Variants in ANKRD36B observed in about 807,000 individuals in gnomAD.
ANKRD36B encodes the protein ankyrin repeat domain-containing protein 36B.
Under a neutral mutation model 135.7 loss-of-function variants are expected in ANKRD36B, and 37 were observed. The ratio of observed to expected loss-of-function variants is 0.27; its 90% CI spans 0.21 to 0.36. ANKRD36B has a LOEUF of 0.36. ANKRD36B is among the 10% of genes least tolerant of loss of function. The probability of loss-of-function intolerance (pLI) is 1.00; values close to 1 mark genes in which losing one functional copy is unlikely to be tolerated. For synonymous variants in ANKRD36B, 179 were observed against 348.1 expected, an observed-to-expected ratio of 0.51 and a Z score of 5.41; for missense variants, 549 against 1,037.1, an observed-to-expected ratio of 0.53 and a Z score of 6.46.
intron 22 of ANKRD36B, among the ~76,000 whole-genome samples, chr2:97,546,226 CAT>C (rs528927890): frequency 6.6e-6 from 1 of 151,846 alleles, no homozygotes; most frequent in African/African-American, 2.4e-5. Flanking sequence ...CATGATCCCA[CAT>C]GTCTTTCATG....
intron 6 of ANKRD36B, among the ~76,000 whole-genome samples, chr2:97,574,224 C>T (rs1251084012): frequency 1.3e-5 from 2 of 152,068 alleles, no homozygotes; most frequent in Admixed American, 6.5e-5. Context: ...AAAAAGTGGG[C>T]AAAGGATATG....
intron 16 of ANKRD36B, among the ~76,000 whole-genome samples, chr2:97,551,879 C>T (rs1477286926): frequency 1.3e-5 from 2 of 151,920 alleles, no homozygotes; most frequent in Non-Finnish European, 2.9e-5. Context: ...AAAGGATTTA[C>T]ACCATTATAA....
chr2:97,564,042 A>G (rs1404742068), intron 6 of ANKRD36B, among the ~76,000 whole-genome samples: 1 of 151,900 alleles, frequency 6.6e-6, no homozygotes, highest in Non-Finnish European at 1.5e-5. Context: ...CATTTTGTGC[A>G]CTGTCTGAAC....
rs533587532 is a variant in ANKRD36B at position 97,552,291 on chromosome 2, GAGTTAGTTAGA to G, written c.1274-822_1274-812del. On this transcript the variant is annotated intron_variant, in intron 16 of 43. Transcript: ENST00000359901. ...TATTCATTGAAAATGACCATTTTAG[GAGTTAGTTAGA>G]ATTCAACATAATTTTTGTTTCTAAA... Among the ~76,000 whole-genome samples, 467 of 152,008 alleles carry G rather than the reference GAGTTAGTTAGA, an allele frequency of 3.1e-3. 3 individuals are homozygous for G. The highest frequency in any genetic ancestry group is 1.0e-2 in the African/African-American group (415 of 41,514).
intron 12 of ANKRD36B, among the ~76,000 whole-genome samples, chr2:97,556,694 C>T (rs181481213): frequency 3.5e-4 from 53 of 152,010 alleles, no homozygotes; most frequent in African/African-American, 1.1e-3. Flanking sequence ...CTTATGTCTT[C>T]AACTGTTTTC....
chr2:97,541,783 A>C (rs2104538132), intron 28 of ANKRD36B, 128 bp downstream of exon 28: 1 of 836,412 alleles, frequency 1.2e-6, no homozygotes, highest in African/African-American at 1.8e-5. Flanking sequence ...GACTTATTAC[A>C]AATGAAGAAT....
At chr2:97,530,962 T>G (rs1262746672) in intron 35 of ANKRD36B, among the ~76,000 whole-genome samples, 1 of 96,578 alleles carries the variant, frequency 1.0e-5, no homozygotes, top group Admixed American at 9.2e-5. Context: ...TTGGTGGGAC[T>G]GTAAACTAGT....
chr2:97,552,567 A>T (rs1476211019), intron 16 of ANKRD36B, among the ~76,000 whole-genome samples: 2 of 151,920 alleles, frequency 1.3e-5, no homozygotes, highest in African/African-American at 4.8e-5. Flanking sequence ...TAGTTCCTGG[A>T]GCTGCCAAAA....
intron 16 of ANKRD36B, among the ~76,000 whole-genome samples, 183 bp from the exon 17 acceptor site, chr2:97,551,663 C>T (rs536693016): frequency 1.2e-4 from 18 of 151,906 alleles, no homozygotes; most frequent in Non-Finnish European, 2.2e-4. Context: ...GAAACACAGG[C>T]TCCGTGAAAT....
At chr2:97,530,252 A>C (rs2078496028) in intron 35 of ANKRD36B, among the ~76,000 whole-genome samples, 1 of 95,740 alleles carries the variant, frequency 1.0e-5, no homozygotes, top group African/African-American at 3.2e-5. Flanking sequence ...ATAATGCCAC[A>C]TATCTACAAC....
At chr2:97,578,458 T>C (rs981380600) in intron 5 of ANKRD36B, among the ~76,000 whole-genome samples, 3 of 152,122 alleles carry the variant, frequency 2.0e-5, no homozygotes, top group Non-Finnish European at 4.4e-5. Context: ...TTGTCTTCCT[T>C]GGACTTAGGG....
intron 6 of ANKRD36B, among the ~76,000 whole-genome samples, chr2:97,575,915 T>C (rs1448226815): frequency 1.3e-5 from 2 of 151,848 alleles, no homozygotes; most frequent in East Asian, 1.9e-4. Flanking sequence ...ATAATATATA[T>C]AACATACCAA....
intron 6 of ANKRD36B, among the ~76,000 whole-genome samples, chr2:97,565,335 A>G (rs1469789294): frequency 6.6e-6 from 1 of 151,836 alleles, no homozygotes; most frequent in African/African-American, 2.4e-5. Context: ...CTTTCTTCCT[A>G]TTTGAATACC....
At chr2:97,544,536 T>C (rs1165093013) in intron 24 of ANKRD36B, among the ~76,000 whole-genome samples, 1 of 96,156 alleles carries the variant, frequency 1.0e-5, no homozygotes, top group African/African-American at 3.1e-5. Flanking sequence ...TGCTGAAACC[T>C]AGTAGCTAAT....
intron 6 of ANKRD36B, among the ~76,000 whole-genome samples, chr2:97,573,660 A>G: frequency 6.6e-6 from 1 of 152,220 alleles, no homozygotes; most frequent in Non-Finnish European, 1.5e-5. Context: ...TAGAGTAACC[A>G]AAACAGCATG....
intron 35 of ANKRD36B, among the ~76,000 whole-genome samples, chr2:97,527,559 A>T (rs2078285708): frequency 1.1e-5 from 1 of 94,786 alleles, no homozygotes; most frequent in African/African-American, 3.2e-5. Flanking sequence ...TAACAATATT[A>T]ACTTTAAATG....
chr2:97,552,062 C>T (rs574463942), intron 16 of ANKRD36B, among the ~76,000 whole-genome samples: 1 of 151,944 alleles, frequency 6.6e-6, no homozygotes, highest in Non-Finnish European at 1.5e-5. Context: ...ATCTCTCACA[C>T]CCATGTGGTG....
intron 6 of ANKRD36B, among the ~76,000 whole-genome samples, chr2:97,569,281 T>C (rs1349606580): frequency 1.3e-5 from 2 of 152,226 alleles, no homozygotes; most frequent in Non-Finnish European, 2.9e-5. Flanking sequence ...CTTAATTGAA[T>C]ACATTCAATT....
intron 6 of ANKRD36B, among the ~76,000 whole-genome samples, chr2:97,562,007 T>TA (rs2081068748): frequency 8.9e-6 from 1 of 111,732 alleles, no homozygotes; most frequent in Non-Finnish European, 2.1e-5. Context: ...TGAGTTCACT[T>TA]AATCTAAGAG....
Sources: gnomAD v4.1 joint callset for allele counts (sites outside exome capture counted in the v4.1 genomes callset) on GRCh38, gnomAD v4.1.1 for gene constraint, MANE v1.5 for transcripts, NCBI Gene and HGNC (gene_info 2026-07-23, HGNC 2026-07-21) for gene names.